The following PSD3 variants were observed in gnomAD, a reference collection of about 807,000 sequenced individuals.
PSD3 encodes the protein pleckstrin and Sec7 domain containing 3, also known as PH and SEC7 domain-containing protein 3.
Under a neutral mutation model 105.5 loss-of-function variants are expected in PSD3, and 49 were observed. The observed-to-expected ratio is 0.46, with a 90% CI of 0.37 to 0.59. PSD3 has a LOEUF of 0.59. Ranked by LOEUF, PSD3 falls within the 20% of genes least tolerant of loss-of-function variation. The pLI is 0.00. For synonymous variants in PSD3, 557 were observed against 457.8 expected (o/e 1.22, Z -2.77); for missense variants, 1,561 against 1,263.8 (o/e 1.24, Z -3.57).
rs184572580 is a variant in PSD3 at position 18,819,955 on chromosome 8, C to T, written c.1635-15057G>A. Among the ~76,000 whole-genome samples the T allele has an allele frequency of 3.1e-4, 47 of 152,258 alleles. No homozygotes were observed. The East Asian group carries it at 3.5e-3, about 11-fold the overall frequency. On this transcript the variant is annotated intron_variant, in intron 4 of 15. Transcript: ENST00000327040. Reference sequence around the variant, plus strand: ...TCAGACTTTTATTACCTGTGCACAACGCAAAATTATACTGTTGGTTTAATC... The same window carrying T: ...TCAGACTTTTATTACCTGTGCACAATGCAAAATTATACTGTTGGTTTAATC...
intron 9 of PSD3, among the ~76,000 whole-genome samples, chr8:18,737,192 TCC>T (rs1371797900): frequency 2.8e-4 from 42 of 152,322 alleles, no homozygotes; most frequent in African/African-American, 1.0e-3. Flanking sequence ...TTTGTAATTG[TCC>T]CAGGTAGTTC....
chr8:18,779,255 C>G (rs1452863666), intron 8 of PSD3, among the ~76,000 whole-genome samples: 1 of 152,076 alleles, frequency 6.6e-6, no homozygotes, highest in Non-Finnish European at 1.5e-5. Context: ...TCACGATAGT[C>G]TCTAACAATC....
At chr8:18,824,915 T>C (rs1813051370) in intron 4 of PSD3, among the ~76,000 whole-genome samples, 1 of 152,136 alleles carries the variant, frequency 6.6e-6, no homozygotes, top group Admixed American at 6.6e-5. Flanking sequence ...ATTGCCCTCT[T>C]TCCATAAGTC....
At chr8:18,882,543 A>G (rs1818174565) in intron 2 of PSD3, among the ~76,000 whole-genome samples, 1 of 152,178 alleles carries the variant, frequency 6.6e-6, no homozygotes, top group Non-Finnish European at 1.5e-5. Context: ...AACAAAGTTC[A>G]GGCAGTGGTA....
At chr8:18,945,910 G>A (rs1417154868) in intron 1 of PSD3, among the ~76,000 whole-genome samples, 2 of 152,190 alleles carry the variant, frequency 1.3e-5, no homozygotes, top group Admixed American at 6.5e-5. Flanking sequence ...GGAAGTGGAG[G>A]CTGCCGTGAG....
intron 11 of PSD3, among the ~76,000 whole-genome samples, chr8:18,622,664 A>C (rs1157814324): frequency 1.3e-5 from 2 of 152,204 alleles, no homozygotes; most frequent in African/African-American, 4.8e-5. Context: ...ATGGTGAAAT[A>C]ATTACCACAA....
intron 8 of PSD3, among the ~76,000 whole-genome samples, chr8:18,793,898 A>T (rs1809988033): frequency 6.6e-6 from 1 of 152,142 alleles, no homozygotes; most frequent in African/African-American, 2.4e-5. Flanking sequence ...AATATCATGG[A>T]AGTCTGTGAT....
chr8:18,805,276 C>T (rs1811102286), intron 4 of PSD3, among the ~76,000 whole-genome samples: 1 of 152,100 alleles, frequency 6.6e-6, no homozygotes, highest in Admixed American at 6.5e-5. Flanking sequence ...TATAAAGATA[C>T]AACTATTGTT....
In PSD3 at chr8:18,872,001, C is replaced by G. The variant is rs530770600; in HGVS notation, c.863G>C (p.Ser288Thr). 7.4e-6 allele frequency: 12 copies of G among 1,614,162 alleles called. No individual in the cohort carries two copies. In the East Asian group the frequency reaches 2.7e-4, roughly 36 times the overall value. Residue 288 changes from serine (S) to threonine (T), a missense_variant, in exon 3 of 16, where the codon AGC (serine) becomes ACC (threonine). Physicochemically the swap from Ser to Thr is moderately conservative, Grantham distance 58 (BLOSUM62 1). Transcript: ENST00000327040. ...GACCCGGCCTGGGCGTCCCATGGAG[C>G]TGCTTCGATCACATCCCCCTGGGTG... ...REHPGGCDRS[S>T]SMGRPGRVKH...
At position 18,823,550 on chromosome 8, in the gene PSD3, A is replaced by G. The variant is rs192551575; in HGVS notation, c.1635-18652T>C. Among the ~76,000 whole-genome samples the G allele has an allele frequency of 4.8e-3, 732 of 152,240 alleles. 2 individuals carry two copies. Among genetic ancestry groups the G allele is most frequent in the Non-Finnish European group, 6.4e-3 (432 of 68,030 alleles). Reference sequence around the variant, plus strand: ...GCCACAAGAGATCCTGAATTCCGCAACTTATCATTGAATTCTGCAATGTCA... The same window carrying G: ...GCCACAAGAGATCCTGAATTCCGCAGCTTATCATTGAATTCTGCAATGTCA... On this transcript the variant is annotated intron_variant, in intron 4 of 15. Transcript: ENST00000327040.
At chr8:18,738,508 G>C (rs1469840424) in intron 9 of PSD3, among the ~76,000 whole-genome samples, 2 of 152,134 alleles carry the variant, frequency 1.3e-5, no homozygotes, top group Non-Finnish European at 2.9e-5. Flanking sequence ...TCTACCACAT[G>C]CTAAATAGAA....
intron 11 of PSD3, among the ~76,000 whole-genome samples, chr8:18,605,051 A>C (rs1032177367): frequency 1.3e-5 from 2 of 152,220 alleles, no homozygotes; most frequent in African/African-American, 4.8e-5. Flanking sequence ...TAAAGCCCTC[A>C]CACAGAGTTC....
At chr8:18,881,214 A>G (rs1464013101) in intron 2 of PSD3, among the ~76,000 whole-genome samples, 1 of 152,192 alleles carries the variant, frequency 6.6e-6, no homozygotes, top group African/African-American at 2.4e-5. Context: ...TAGTATATTG[A>G]GAAAGAAATG....
chr8:18,701,039 T>C (rs1801546393), intron 9 of PSD3, among the ~76,000 whole-genome samples: 1 of 152,110 alleles, frequency 6.6e-6, no homozygotes, highest in South Asian at 2.1e-4. Context: ...TGATCATGGC[T>C]CACTGTAGCC....
At chr8:19,067,100 A>C (rs1335795630) in intron 1 of PSD3, among the ~76,000 whole-genome samples, 9 of 152,226 alleles carry the variant, frequency 5.9e-5, no homozygotes, top group Non-Finnish European at 1.2e-4. Context: ...AAGACTGATG[A>C]GTTCTTTGGG....
chr8:18,684,476 G>A (rs1474216940), intron 9 of PSD3, among the ~76,000 whole-genome samples: 1 of 152,112 alleles, frequency 6.6e-6, no homozygotes, highest in South Asian at 2.1e-4. Context: ...AATATGGATG[G>A]ACGTCAAAAG....
intron 12 of PSD3, among the ~76,000 whole-genome samples, chr8:18,581,619 C>T (rs1289558428): frequency 6.6e-6 from 1 of 152,128 alleles, no homozygotes; most frequent in Non-Finnish European, 1.5e-5. Flanking sequence ...CGAATTTATT[C>T]CATTCACCCT....
rs1810342389 is a variant in PSD3 at position 18,798,028 on chromosome 8, T to G, written c.2082+1267A>C. On this transcript the variant is annotated intron_variant, in intron 8 of 15. Coordinates refer to ENST00000327040, the MANE Select transcript of PSD3 (RefSeq NM_015310.4). ...ACAGCCAGACAAAGCAGTGAAAACT[T>G]GCTTGGCCAGTAACACGAAAAAAGT... Among the ~76,000 whole-genome samples, 3 of 152,144 alleles carry G rather than the reference T, an allele frequency of 2.0e-5. 1 individual carries two copies. In the South Asian group the frequency reaches 6.2e-4, roughly 31 times the overall value.
chr8:18,545,461 G>A (rs985414660), intron 15 of PSD3, among the ~76,000 whole-genome samples: 4 of 151,704 alleles, frequency 2.6e-5, no homozygotes, highest in African/African-American at 4.8e-5. Context: ...TACCGAGTTT[G>A]TTGTTCAACA....
Sources: gnomAD v4.1 joint callset for allele counts (sites outside exome capture counted in the v4.1 genomes callset) on GRCh38, gnomAD v4.1.1 for gene constraint, MANE v1.5 for transcripts, NCBI Gene and HGNC (gene_info 2026-07-23, HGNC 2026-07-21) for gene names.